Variants in TCF7L2 observed in about 807,000 individuals in gnomAD.
TCF7L2 encodes transcription factor 7-like 2.
TCF7L2 carries 23 observed loss-of-function variants against 77.9 expected under a neutral mutation model. That is an observed-to-expected ratio of 0.30 (90% CI 0.21 to 0.42). The LOEUF is 0.42. TCF7L2 is among the 10% of genes least tolerant of loss of function. TCF7L2 has a pLI of 1.00. For missense variants in TCF7L2, 654 were observed against 793.1 expected, an observed-to-expected ratio of 0.82 and a Z score of 2.11; for synonymous variants, 413 against 340.2, an observed-to-expected ratio of 1.21 and a Z score of -2.36.
intron 5 of TCF7L2, among the ~76,000 whole-genome samples, chr10:113,128,219 G>C (rs572670200): frequency 2.6e-5 from 4 of 152,230 alleles, no homozygotes; most frequent in African/African-American, 9.6e-5. Flanking sequence ...AAAGATTGCT[G>C]CCTGACACTT....
rs1159359318 is a variant in TCF7L2, at chr10:112,951,259, A to G, written c.242A>G (p.Glu81Gly). Residue 81 changes from glutamate to glycine, a missense_variant, in exon 2 of 14, where the codon GAA becomes GGA. Coordinates refer to ENST00000627217, the MANE Select transcript of TCF7L2 (RefSeq NM_001146274.2). ...GAAAGTTTCCGAGACAAATCCCGGG[A>G]AAGTTTGGAAGAAGGTGAGTACGCC... The G allele has an allele frequency of 1.9e-6, 3 of 1,561,002 alleles. 1 individual carries two copies. Among genetic ancestry groups the G allele is most frequent in the Non-Finnish European group, 2.6e-6 (3 of 1,156,090 alleles).
chr10:112,952,521 G>C (rs1050146873), intron 3 of TCF7L2, among the ~76,000 whole-genome samples: 2 of 152,182 alleles, frequency 1.3e-5, no homozygotes, highest in Non-Finnish European at 2.9e-5. Context: ...CCTCCAAGCG[G>C]ACTTGTGTAT....
Position 113,165,863 on chromosome 10 carries a change from C to A in TCF7L2, c.1700C>A (p.Ala567Asp). 2 of 1,604,480 alleles carry A rather than the reference C, an allele frequency of 1.2e-6. No individual in the cohort carries two copies. Among genetic ancestry groups the A allele is most frequent in the Non-Finnish European group, 8.5e-7 (1 of 1,173,184 alleles). ...CCCCCAGCCGCTTTGCAGCCTGCCGCCCCCTCCTCATCAATTGCACAGCCG... is the reference window on the plus strand; with the variant it reads ...CCCCCAGCCGCTTTGCAGCCTGCCGACCCCTCCTCATCAATTGCACAGCCG... The change falls in exon 14 of 14, where the codon GCC becomes GAC. Residue 567 changes from alanine to aspartate, a missense_variant. Ala to Asp is a moderately radical substitution (Grantham distance 126). This residue lies in a region of TCF7L2 where 272 missense variants were observed against 215.4 expected (regional missense o/e 1.26). Coordinates refer to ENST00000627217, the MANE Select transcript of TCF7L2 (RefSeq NM_001146274.2).
At chr10:113,113,448 C>A (rs532049561) in intron 5 of TCF7L2, among the ~76,000 whole-genome samples, 8 of 152,312 alleles carry the variant, frequency 5.3e-5, no homozygotes, top group African/African-American at 1.7e-4. Flanking sequence ...CATAGGACAT[C>A]CTCATAGGAT....
chr10:113,004,016 T>C (rs1047666103), intron 4 of TCF7L2, among the ~76,000 whole-genome samples: 1 of 152,164 alleles, frequency 6.6e-6, no homozygotes, highest in Non-Finnish European at 1.5e-5. Context: ...AAGTTTCCCA[T>C]TGGGGTGTCA....
At chr10:112,985,482 C>CTA (rs58363775) in intron 4 of TCF7L2, among the ~76,000 whole-genome samples, 5,291 of 152,152 alleles carry the variant, frequency 0.035, 304 homozygotes, top group African/African-American at 0.12. Context: ...TCTTGTATTA[C>CTA]TACAAGGATC....
chr10:113,132,069 G>A (rs1282086294), intron 5 of TCF7L2: 1 of 152,232 alleles, frequency 6.6e-6, no homozygotes, highest in African/African-American at 2.4e-5. Flanking sequence ...TAACAAGGCA[G>A]GATAGAACGG....
intron 5 of TCF7L2, among the ~76,000 whole-genome samples, chr10:113,088,133 A>C (rs958424034): frequency 1.3e-5 from 2 of 152,052 alleles, no homozygotes; most frequent in Non-Finnish European, 2.9e-5. Flanking sequence ...GGGCATAGCT[A>C]TTTCTTTTTT....
intron 4 of TCF7L2, among the ~76,000 whole-genome samples, chr10:113,014,152 G>A (rs1434444256): frequency 6.6e-6 from 1 of 152,192 alleles, no homozygotes; most frequent in Admixed American, 6.5e-5. Flanking sequence ...GTTAGACAGG[G>A]AATGGGTTAG....
In TCF7L2 at chr10:113,151,696, TG is replaced by T. The variant is rs776643170; in HGVS notation, c.1002-26del. The T allele has an allele frequency of 1.3e-5, 20 of 1,560,504 alleles. No individual in the cohort carries two copies. Among genetic ancestry groups the T allele is most frequent in the Non-Finnish European group, 1.6e-5 (19 of 1,161,244 alleles). On this transcript the variant is annotated intron_variant, in intron 9 of 13. Transcript: ENST00000627217. This position sits in a 1 kb window ranked among gnomAD's most constrained non-coding sequence, Gnocchi z 5.2. ...GAAGTTGGACCACGACCTTGTTTAT[TG>T]GGTTGCGTCTGTTTTGTCTATCTCC...
intron 7 of TCF7L2, among the ~76,000 whole-genome samples, chr10:113,145,295 G>A (rs534763497): frequency 2.0e-4 from 30 of 152,232 alleles, no homozygotes; most frequent in African/African-American, 7.2e-4. Context: ...AGTTCTCAGT[G>A]ATCATTTGCC....
chr10:112,991,571 T>TG (rs2042555858), intron 4 of TCF7L2, among the ~76,000 whole-genome samples: 1 of 149,072 alleles, frequency 6.7e-6, no homozygotes, highest in Non-Finnish European at 1.5e-5. Context: ...AGAAGAGCCA[T>TG]GGGGTGAGTC....
At chr10:112,988,755 G>A (rs886882328) in intron 4 of TCF7L2, among the ~76,000 whole-genome samples, 2 of 152,106 alleles carry the variant, frequency 1.3e-5, no homozygotes, top group African/African-American at 4.8e-5. Context: ...AGGAACTCAC[G>A]CTTTGTTTAT....
At chr10:112,973,680 C>G (rs1396978725) in intron 4 of TCF7L2, among the ~76,000 whole-genome samples, 1 of 152,150 alleles carries the variant, frequency 6.6e-6, no homozygotes, top group East Asian at 1.9e-4. Flanking sequence ...ACCTCTGCCT[C>G]CTGGGTTCAA....
chr10:113,063,574 A>G (rs767516336), intron 5 of TCF7L2, among the ~76,000 whole-genome samples: 5 of 152,040 alleles, frequency 3.3e-5, no homozygotes, highest in African/African-American at 4.8e-5. Flanking sequence ...AGGGAGTGTG[A>G]GTTCTGAGGG....
In TCF7L2 at chr10:113,166,036, C is replaced by A. The variant is rs114631541; in HGVS notation, c.*64C>A. ...TGTTTCACTTTTCTTAATTTGCCCC[C>A]CACCCCCACCTTGAAAGGTTTTGTT... is the stretch of plus-strand genomic sequence containing the variant. On this transcript the variant is annotated 3_prime_UTR_variant, in exon 14 of 14. Coordinates refer to ENST00000627217, the MANE Select transcript of TCF7L2 (RefSeq NM_001146274.2). 7.2e-7 allele frequency: 1 copy of A among 1,397,232 alleles called. No homozygotes were observed. Among genetic ancestry groups the A allele is most frequent in the South Asian group, 1.9e-5 (1 of 52,268 alleles). 86.6% of individuals were successfully genotyped at this position (1,397,232 alleles called of 1,614,324 possible).
At chr10:112,985,927 C>T (rs990697219) in intron 4 of TCF7L2, among the ~76,000 whole-genome samples, 2 of 151,574 alleles carry the variant, frequency 1.3e-5, no homozygotes, top group African/African-American at 2.4e-5. Context: ...CATGGGCAGC[C>T]GCTACTTCAC....
chr10:112,962,929 ATGTGTGGGGGGCTG>A lies in TCF7L2; in HGVS notation c.382-1616_382-1603del, dbSNP rs1480403235. On this transcript the variant is annotated intron_variant, in intron 3 of 13. Transcript: ENST00000627217. ...TTCACTTCAGATACTGCTTCTGAGT[ATGTGTGGGGGGCTG>A]TGTGTGGGGGACAGATCTTCTGTTG... is the stretch of plus-strand genomic sequence containing the variant. Among the ~76,000 whole-genome samples the A allele has an allele frequency of 7.9e-5, 12 of 152,190 alleles. No homozygotes were observed. The East Asian group carries it at 2.3e-3, about 30-fold the overall frequency.
At chr10:113,093,834 C>CT (rs2060644698) in intron 5 of TCF7L2, among the ~76,000 whole-genome samples, 1 of 152,180 alleles carries the variant, frequency 6.6e-6, no homozygotes, top group South Asian at 2.1e-4. Context: ...AAAGAGTTTT[C>CT]TTTTTTCTTC....
Sources: gnomAD v4.1 joint callset for allele counts (sites outside exome capture counted in the v4.1 genomes callset) on GRCh38, gnomAD v4.1.1 for gene constraint, gnomAD v4.1.1 regional missense constraint, Gnocchi (gnomAD v3.1) non-coding constraint, MANE v1.5 for transcripts, NCBI Gene and HGNC (gene_info 2026-07-23, HGNC 2026-07-21) for gene names.